Variants in SMYD4 observed in about 807,000 individuals in gnomAD.
SMYD4 encodes the protein SET and MYND domain containing 4, also known as protein-lysine N-methyltransferase SMYD4.
Under a neutral mutation model 72.8 loss-of-function variants are expected in SMYD4, and 68 were observed. The observed-to-expected ratio is 0.93, with a 90% confidence interval of 0.77 to 1.14. The LOEUF is 1.14. Among genes scored for constraint, SMYD4 ranks in the 50% most tolerant of loss-of-function variants. The pLI is 0.00. For missense variants in SMYD4, 984 were observed against 1,003.7 expected (o/e 0.98, Z 0.27); for synonymous variants, 407 against 388.6 (o/e 1.05, Z -0.56).
Position 1,800,438 on chromosome 17 carries a change from C to A in SMYD4, c.956G>T (p.Ser319Ile), listed in dbSNP as rs1427488418. ...CDGCSYAKYCSQECLQQAWEL... is the reference protein window; with the variant it reads ...CDGCSYAKYCIQECLQQAWEL... The stretch of plus-strand genomic sequence containing the variant: ...CCAGGCCTGCTGCAAACACTCCTGG[C>A]TGCAATACTTGGCATAACTGCATCC... The change falls in exon 5 of 11, where the codon AGC becomes ATC. Residue 319 changes from serine (S) to isoleucine (I), a missense_variant. Physicochemically the swap from Ser to Ile is moderately radical, Grantham distance 142 (BLOSUM62 -2). Transcript: ENST00000305513. 1.9e-6 allele frequency: 3 copies of A among 1,614,074 alleles called. No homozygotes were observed. The highest frequency in any genetic ancestry group is 2.5e-6 in the Non-Finnish European group (3 of 1,180,054).
At chr17:1,815,906 G>A (rs1453194981) in intron 2 of SMYD4, among the ~76,000 whole-genome samples, 9 of 151,240 alleles carry the variant, frequency 6.0e-5, no homozygotes, top group Admixed American at 5.3e-4. Flanking sequence ...CACCATGTTG[G>A]CCACACTGGT....
intron 2 of SMYD4, among the ~76,000 whole-genome samples, chr17:1,825,827 TTG>T (rs1201682516): frequency 6.6e-6 from 1 of 151,598 alleles, no homozygotes; most frequent in Non-Finnish European, 1.5e-5. Context: ...ACCTTCTGGG[TTG>T]TGTCTTGCTT....
At chr17:1,812,141 G>A (rs7503422) in intron 2 of SMYD4, 26 bp from the exon 3 acceptor site, 1,208,880 of 1,604,564 alleles carry the variant, frequency 0.75, 464,955 homozygotes, top group Non-Finnish European at 0.8. Context: ...AGGAAACAAA[G>A]TAAGCAGAAA....
At chr17:1,803,719 G>A (rs1222792983) in intron 4 of SMYD4, among the ~76,000 whole-genome samples, 3 of 151,920 alleles carry the variant, frequency 2.0e-5, no homozygotes, top group Admixed American at 6.6e-5. Flanking sequence ...GGCTGGTTTC[G>A]AACTCCTGAC....
At chr17:1,783,244 G>C (rs551592069) in intron 9 of SMYD4, 86 bp from the exon 10 acceptor site, 25 of 1,611,812 alleles carry the variant, frequency 1.6e-5, no homozygotes, top group Middle Eastern at 3.8e-4. Context: ...TGGAACGAGA[G>C]GGGGAGCACC....
chr17:1,789,764 C>CCAAAAAAAAAAAAAAAAAAAAAAAAAAAA (rs71150816), intron 5 of SMYD4, among the ~76,000 whole-genome samples: 1 of 90,098 alleles, frequency 1.1e-5, no homozygotes, highest in Non-Finnish European at 2.4e-5. Context: ...GACTCTGTCT[C>CCAAAAAAAAAAAAAAAAAAAAAAAAAAAA]AAAAAAAAAA....
At position 1,780,131 on chromosome 17, in the gene SMYD4, G is replaced by C. The variant is rs557796324; in HGVS notation, c.*1155C>G. 1 of 152,186 alleles carries C rather than the reference G, an allele frequency of 6.6e-6. No individual in the cohort carries two copies. Among genetic ancestry groups the C allele is most frequent in the Non-Finnish European group, 1.5e-5 (1 of 68,040 alleles). 9.4% of individuals were successfully genotyped at this position (152,186 alleles called of 1,614,324 possible). ...AAATAGGTGTCTCTCTGACTGCAAC[G>C]GTTTGAGTCCTCCTCAGCCCTCATA... On this transcript the variant is annotated 3_prime_UTR_variant, in exon 11 of 11. Transcript: ENST00000305513.
At chr17:1,801,141 C>A (rs1323931376) in intron 4 of SMYD4, 117 bp from the exon 5 acceptor site, 2 of 859,460 alleles carry the variant, frequency 2.3e-6, no homozygotes, top group South Asian at 3.5e-5. Context: ...GGAACAATTA[C>A]AACCACATGC....
At chr17:1,822,259 C>T (rs1024889980) in intron 2 of SMYD4, among the ~76,000 whole-genome samples, 3 of 151,770 alleles carry the variant, frequency 2.0e-5, no homozygotes, top group African/African-American at 7.3e-5. Flanking sequence ...AAATTAAATG[C>T]CAGAAGAAAC....
chr17:1,806,572 A>G (rs991224372), intron 3 of SMYD4, among the ~76,000 whole-genome samples: 4 of 152,236 alleles, frequency 2.6e-5, no homozygotes, highest in Admixed American at 2.0e-4. Context: ...TCAGCCTCAT[A>G]CAATCAATAA....
At chr17:1,814,150 C>A (rs943858291) in intron 2 of SMYD4, among the ~76,000 whole-genome samples, 6 of 151,706 alleles carry the variant, frequency 4.0e-5, no homozygotes, top group African/African-American at 1.5e-4. Context: ...ACAAAAAATA[C>A]AAAAATTAGC....
intron 3 of SMYD4, 121 bp from the exon 4 acceptor site, chr17:1,804,836 C>T (rs1597384335): frequency 1.1e-6 from 1 of 897,708 alleles, no homozygotes; most frequent in East Asian, 2.8e-5. Flanking sequence ...TACTGAACCT[C>T]TTTGTGCTTC....
intron 5 of SMYD4, among the ~76,000 whole-genome samples, chr17:1,798,388 G>A (rs561896275): frequency 5.9e-4 from 90 of 152,178 alleles, no homozygotes; most frequent in African/African-American, 2.0e-3. Context: ...GATTACAGGC[G>A]TACTGTGTCA....
chr17:1,784,189 T>G, intron 8 of SMYD4, 137 bp downstream of exon 8: 2 of 1,367,924 alleles, frequency 1.5e-6, no homozygotes. Flanking sequence ...CACTGGCCTA[T>G]ATAGCCATCT....
chr17:1,805,684 C>T (rs192950830), intron 3 of SMYD4, among the ~76,000 whole-genome samples: 4 of 151,500 alleles, frequency 2.6e-5, no homozygotes, highest in South Asian at 2.1e-4. Context: ...TGGTGGCGCA[C>T]GCCTGTAATC....
chr17:1,798,388 G>C (rs561896275), intron 5 of SMYD4, among the ~76,000 whole-genome samples: 2 of 152,060 alleles, frequency 1.3e-5, no homozygotes, highest in Non-Finnish European at 2.9e-5. Context: ...GATTACAGGC[G>C]TACTGTGTCA....
In SMYD4 at chr17:1,779,812, CT is replaced by C. The variant is rs368391868; in HGVS notation, c.*1473del. ...TGGAGGTAAGCAGGCTTGCTGATTT[CT>C]TGTTTTATAATTCTTTTTTAATTAC... On this transcript the variant is annotated 3_prime_UTR_variant, in exon 11 of 11. Transcript: ENST00000305513. The C allele has an allele frequency of 7.5e-3, 1,150 of 152,716 alleles. 3 individuals are homozygous for C. The highest frequency in any genetic ancestry group is 0.011 in the Non-Finnish European group (756 of 68,046). The allele number at this position is 152,716 out of a possible 1,614,324, so 9.5% of individuals were successfully genotyped here.
In SMYD4 at chr17:1,781,239, T is replaced by C. The variant is rs1428393435; in HGVS notation, c.*47A>G. 6.3e-7 allele frequency: 1 copy of C among 1,589,810 alleles called. No individual in the cohort carries two copies. The highest frequency in any genetic ancestry group is 1.4e-5 in the African/African-American group (1 of 73,460). ...CCTGGCCAGCAAAACCTCTTTAACT[T>C]GTGTTCCATGGGCTCCTTTTCTGTG... is the stretch of plus-strand genomic sequence containing the variant. On this transcript the variant is annotated 3_prime_UTR_variant, in exon 11 of 11. Transcript: ENST00000305513.
chr17:1,828,151 C>A, intron 1 of SMYD4, 145 bp from the exon 2 acceptor site: 2 of 680,558 alleles, frequency 2.9e-6, no homozygotes, highest in Non-Finnish European at 4.8e-6. Flanking sequence ...GAGATGGAGA[C>A]CATCCTGGCT....
Sources: allele counts gnomAD v4.1 joint callset (sites outside exome capture counted in the v4.1 genomes callset), GRCh38; gene constraint gnomAD v4.1.1; transcripts MANE v1.5; gene names NCBI Gene and HGNC (gene_info 2026-07-23, HGNC 2026-07-21).